Variants in SDK1 observed in about 807,000 individuals in gnomAD.
The protein encoded by SDK1 is sidekick cell adhesion molecule 1.
Under a neutral mutation model 245.5 loss-of-function variants are expected in SDK1, and 157 were observed. The observed-to-expected ratio is 0.64, with a 90% CI of 0.56 to 0.73. The LOEUF is 0.73. Among genes scored for constraint, SDK1 ranks in the 30% least tolerant of loss-of-function variants. The pLI is 0.00. For missense variants in SDK1, 3,583 were observed against 3,002.3 expected, an observed-to-expected ratio of 1.19 and a Z score of -4.52; for synonymous variants, 1,647 against 1,278.5, an observed-to-expected ratio of 1.29 and a Z score of -6.15.
intron 27 of SDK1, 79 bp from the exon 28 acceptor site, chr7:4,132,246 C>T (rs906270193): frequency 9.0e-5 from 103 of 1,145,194 alleles, no homozygotes; most frequent in Non-Finnish European, 1.2e-4. Flanking sequence ...GCCAGCTGAC[C>T]CTCGGAATCC....
chr7:4,110,919 C>G (rs1006251513), intron 23 of SDK1, 147 bp downstream of exon 23: 9 of 638,386 alleles, frequency 1.4e-5, no homozygotes, highest in Non-Finnish European at 2.0e-5. Context: ...CCTTAAGGAG[C>G]AGGCGGGATG....
intron 4 of SDK1, among the ~76,000 whole-genome samples, chr7:3,653,265 G>A (rs1370765095): frequency 2.0e-5 from 3 of 152,176 alleles, no homozygotes; most frequent in African/African-American, 7.2e-5. Flanking sequence ...TCCTTCCTCT[G>A]TGCTTTCCCC....
intron 1 of SDK1, among the ~76,000 whole-genome samples, chr7:3,371,392 T>A (rs543907718): frequency 6.6e-6 from 1 of 152,102 alleles, no homozygotes; most frequent in South Asian, 2.1e-4. Context: ...GAGGACAGTG[T>A]CTCTCTCTGA....
chr7:4,110,592 G>C, intron 22 of SDK1, 71 bp from the exon 23 acceptor site: 1 of 1,095,988 alleles, frequency 9.1e-7, no homozygotes, highest in Non-Finnish European at 1.4e-6. Context: ...ACCAGCAGGT[G>C]CACATGGTCT....
rs71032920 is a variant in SDK1, at chr7:4,005,393, A to AGTGTGTGTGT, written c.2132-5538_2132-5529dup. Among the ~76,000 whole-genome samples, 362 of 129,908 alleles carry AGTGTGTGTGT rather than the reference A, an allele frequency of 2.8e-3. 2 individuals carry two copies. Among genetic ancestry groups the AGTGTGTGTGT allele is most frequent in the African/African-American group, 4.2e-3 (142 of 34,040 alleles). The allele number at this position is 129,908 out of a possible 152,430, so 85.2% of individuals were successfully genotyped here. On this transcript the variant is annotated intron_variant, in intron 14 of 44. Transcript: ENST00000404826. Reference sequence around the variant, plus strand: ...TCCGGGTAGTTTCTTTTCTTATGTGAGTGTGTGTGTGTGTGTGTGTGTGTG... The same window carrying AGTGTGTGTGT: ...TCCGGGTAGTTTCTTTTCTTATGTGAGTGTGTGTGTGTGTGTGTGTGTGTGTGTGTGTGTG...
At chr7:4,058,195 A>G (rs1488845948) in intron 19 of SDK1, among the ~76,000 whole-genome samples, 1 of 152,240 alleles carries the variant, frequency 6.6e-6, no homozygotes, top group Non-Finnish European at 1.5e-5. Context: ...TTTACCAAAG[A>G]GATAAATATT....
intron 5 of SDK1, among the ~76,000 whole-genome samples, chr7:3,902,584 G>T (rs1781827240): frequency 6.6e-6 from 1 of 151,894 alleles, no homozygotes; most frequent in Non-Finnish European, 1.5e-5. Context: ...GTATAGCTAG[G>T]TTTACTGGTT....
intron 1 of SDK1, among the ~76,000 whole-genome samples, chr7:3,507,360 C>T (rs1782426410): frequency 6.6e-6 from 1 of 152,146 alleles, no homozygotes; most frequent in African/African-American, 2.4e-5. Context: ...TGTATTCTCC[C>T]TTCAAATTGC....
intron 1 of SDK1, among the ~76,000 whole-genome samples, chr7:3,445,101 T>A (rs1780306356): frequency 6.6e-6 from 1 of 152,222 alleles, no homozygotes. Context: ...TTGTATCTTA[T>A]AAAATGCCTT....
At chr7:3,735,985 T>A (rs970647663) in intron 4 of SDK1, among the ~76,000 whole-genome samples, 3 of 152,224 alleles carry the variant, frequency 2.0e-5, no homozygotes, top group Non-Finnish European at 4.4e-5. Flanking sequence ...TTGTAAACCT[T>A]CTTTGGAGAA....
At chr7:3,756,554 CTT>C in intron 4 of SDK1, among the ~76,000 whole-genome samples, 1 of 145,356 alleles carries the variant, frequency 6.9e-6, no homozygotes, top group Admixed American at 6.9e-5. Flanking sequence ...TAGTTTATTC[CTT>C]TTTTTTTTTT....
At position 3,783,680 on chromosome 7, in the gene SDK1, C is replaced by G. The variant is rs145561075; in HGVS notation, c.714-37770C>G. 8.5e-3 allele frequency among the ~76,000 whole-genome samples: 1,286 copies of G among 152,128 alleles called. 22 individuals carry two copies. Among genetic ancestry groups the G allele is most frequent in the African/African-American group, 0.029 (1,217 of 41,490 alleles). On this transcript the variant is annotated intron_variant, in intron 4 of 44. Transcript: ENST00000404826. ...GGAGTGAAGACCTTTACACTGAAAA[C>G]TAGAAAATGTTGATAAAAAAGTTGA...
chr7:3,414,291 TG>T (rs1388889551), intron 1 of SDK1, among the ~76,000 whole-genome samples: 3 of 152,020 alleles, frequency 2.0e-5, no homozygotes, highest in Non-Finnish European at 4.4e-5. Context: ...ACGAGTGGCC[TG>T]GAGAATGTGA....
At chr7:3,980,338 T>C (rs1043667855) in intron 13 of SDK1, among the ~76,000 whole-genome samples, 1 of 152,246 alleles carries the variant, frequency 6.6e-6, no homozygotes, top group Non-Finnish European at 1.5e-5. Flanking sequence ...TGAGGTGTCC[T>C]GTGCCTGACG....
At chr7:3,349,896 C>T (rs1161861671) in intron 1 of SDK1, among the ~76,000 whole-genome samples, 1 of 152,196 alleles carries the variant, frequency 6.6e-6, no homozygotes, top group East Asian at 1.9e-4. Context: ...GCCACCGTGC[C>T]CGGCCTAAGA....
chr7:3,914,998 G>T (rs141335445), intron 5 of SDK1, among the ~76,000 whole-genome samples: 4 of 152,114 alleles, frequency 2.6e-5, no homozygotes, highest in Non-Finnish European at 5.9e-5. Context: ...AGAATCATGC[G>T]CCATCCTTCA....
At chr7:3,916,167 G>A (rs1779371486) in intron 5 of SDK1, among the ~76,000 whole-genome samples, 1 of 152,174 alleles carries the variant, frequency 6.6e-6, no homozygotes, top group Non-Finnish European at 1.5e-5. Context: ...GAGGGAGGGA[G>A]AGGAGGCAAT....
At chr7:3,449,485 C>G (rs1057308211) in intron 1 of SDK1, among the ~76,000 whole-genome samples, 1 of 152,134 alleles carries the variant, frequency 6.6e-6, no homozygotes, top group Admixed American at 6.6e-5. Flanking sequence ...AGAATTGTAT[C>G]AGTTACAGAT....
rs114279952 is a variant in SDK1, at chr7:4,037,945, A to G, written c.2603-11403A>G. Reference sequence around the variant, plus strand: ...TTCCAAAGTGTTTGTGTAAGCTTTGACCATTTCATCCCCAGCAGTTTGTCT... The same window carrying G: ...TTCCAAAGTGTTTGTGTAAGCTTTGGCCATTTCATCCCCAGCAGTTTGTCT... On this transcript the variant is annotated intron_variant, in intron 17 of 44. Transcript: ENST00000404826. Among the ~76,000 whole-genome samples, 372 of 152,282 alleles carry G rather than the reference A, an allele frequency of 2.4e-3. 3 individuals carry two copies. The highest frequency in any genetic ancestry group is 8.4e-3 in the African/African-American group (350 of 41,560).
Sources: gnomAD v4.1 joint callset for allele counts (sites outside exome capture counted in the v4.1 genomes callset) on GRCh38, gnomAD v4.1.1 for gene constraint, MANE v1.5 for transcripts, NCBI Gene and HGNC (gene_info 2026-07-23, HGNC 2026-07-21) for gene names.